The following PKP1 variants were observed in gnomAD, a reference collection of about 807,000 sequenced individuals.
The protein encoded by PKP1 is plakophilin 1.
PKP1 carries 27 observed loss-of-function variants against 76.4 expected under a neutral mutation model. The observed-to-expected ratio is 0.35, with a 90% CI of 0.26 to 0.49. PKP1 has a LOEUF of 0.49. Among genes scored for constraint, PKP1 ranks in the 20% least tolerant of loss-of-function variants. PKP1 has a pLI of 0.99. For missense variants in PKP1, 964 were observed against 955.2 expected (o/e 1.01, Z -0.12); for synonymous variants, 404 against 384.2 (o/e 1.05, Z -0.60).
intron 9 of PKP1, among the ~76,000 whole-genome samples, chr1:201,323,718 G>A (rs1433296368): frequency 1.3e-5 from 2 of 152,156 alleles, no homozygotes; most frequent in African/African-American, 2.4e-5. Context: ...GCGGCCAACT[G>A]TTCTTCAGCT....
intron 1 of PKP1, among the ~76,000 whole-genome samples, chr1:201,288,972 C>T (rs1194636166): frequency 1.3e-5 from 2 of 152,220 alleles, no homozygotes; most frequent in Non-Finnish European, 2.9e-5. Context: ...AGTACGTACA[C>T]CCAGGAAAAG....
chr1:201,293,846 G>A (rs1360281835), intron 1 of PKP1, 96 bp from the exon 2 acceptor site: 3 of 797,394 alleles, frequency 3.8e-6, no homozygotes, highest in Non-Finnish European at 6.5e-6. Context: ...TCCTCCATGG[G>A]CATAGTGGAC....
At chr1:201,322,327 G>T (rs1168591625) in intron 8 of PKP1, among the ~76,000 whole-genome samples, 194 bp downstream of exon 8, 1 of 152,204 alleles carries the variant, frequency 6.6e-6, no homozygotes, top group African/African-American at 2.4e-5. Flanking sequence ...CTTGCACAAG[G>T]GGGAATCTGT....
chr1:201,324,131 T>C (rs997641436), intron 9 of PKP1, among the ~76,000 whole-genome samples: 11 of 152,064 alleles, frequency 7.2e-5, no homozygotes, highest in Non-Finnish European at 1.5e-4. Flanking sequence ...GAGAGCAGCA[T>C]TGGACGCTTG....
At chr1:201,321,470 G>C (rs1656936936) in intron 7 of PKP1, among the ~76,000 whole-genome samples, 1 of 152,100 alleles carries the variant, frequency 6.6e-6, no homozygotes, top group Non-Finnish European at 1.5e-5. Flanking sequence ...TAGCACCGCT[G>C]ACATTGACAG....
At chr1:201,297,188 A>G (rs1656103299) in intron 2 of PKP1, among the ~76,000 whole-genome samples, 1 of 152,228 alleles carries the variant, frequency 6.6e-6, no homozygotes, top group Non-Finnish European at 1.5e-5. Flanking sequence ...AAACAAAGAT[A>G]GTGTGACACA....
chr1:201,304,518 G>A (rs1656321017), intron 2 of PKP1, among the ~76,000 whole-genome samples: 1 of 152,244 alleles, frequency 6.6e-6, no homozygotes, highest in African/African-American at 2.4e-5. Context: ...TCCAGCCCAG[G>A]TCTTTGGGCA....
intron 2 of PKP1, among the ~76,000 whole-genome samples, chr1:201,295,234 A>G (rs939089722): frequency 2.0e-5 from 3 of 151,792 alleles, no homozygotes; most frequent in Non-Finnish European, 4.4e-5. Flanking sequence ...TTCTTTTGTC[A>G]TTTGCTTGAT....
At chr1:201,309,560 G>A (rs1388890659) in intron 2 of PKP1, among the ~76,000 whole-genome samples, 2 of 152,168 alleles carry the variant, frequency 1.3e-5, no homozygotes, top group African/African-American at 4.8e-5. Flanking sequence ...CCAGACAAGA[G>A]GTTGTGTGTG....
intron 2 of PKP1, among the ~76,000 whole-genome samples, chr1:201,302,333 C>G (rs979723023): frequency 2.0e-5 from 3 of 151,932 alleles, no homozygotes; most frequent in Non-Finnish European, 4.4e-5. Flanking sequence ...GGACTTTGAG[C>G]GGGGTGTGAA....
At chr1:201,314,742 A>C (rs1656673308) in intron 3 of PKP1, among the ~76,000 whole-genome samples, 1 of 152,222 alleles carries the variant, frequency 6.6e-6, no homozygotes, top group Non-Finnish European at 1.5e-5. Flanking sequence ...TTTATTTGGC[A>C]AATGTTTGCC....
In PKP1 at chr1:201,285,977, G is replaced by A. The variant is rs1035511167; in HGVS notation, c.202+2073G>A. Among the ~76,000 whole-genome samples, 6 of 152,268 alleles carry A rather than the reference G, an allele frequency of 3.9e-5. No homozygotes were observed. In the East Asian group the frequency reaches 1.2e-3, roughly 29 times the overall value. On this transcript the variant is annotated intron_variant, in intron 1 of 13. Transcript: ENST00000367324. ...GACTCTGCGGAGGTTCCTAAAGGAG[G>A]CTGCAGAGGCATCCTTGCTGGAAGA...
chr1:201,292,588 C>A (rs1328117584), intron 1 of PKP1, among the ~76,000 whole-genome samples: 1 of 152,138 alleles, frequency 6.6e-6, no homozygotes, highest in Non-Finnish European at 1.5e-5. Context: ...CCCTCTACTC[C>A]CAGCTCAGAT....
chr1:201,317,351 T>C (rs1045246811), intron 4 of PKP1, among the ~76,000 whole-genome samples: 1 of 151,616 alleles, frequency 6.6e-6, no homozygotes, highest in Non-Finnish European at 1.5e-5. Context: ...AGCTAGGATA[T>C]GGGAGCTAGG....
Position 201,325,111 on chromosome 1 carries a change from A to G in PKP1, c.2005A>G (p.Asn669Asp). 3 of 1,613,814 alleles carry G rather than the reference A, an allele frequency of 1.9e-6. No homozygotes were observed. The South Asian group carries it at 3.3e-5, about 18-fold the overall frequency. The change falls in exon 11 of 14, where the codon AAC (asparagine) becomes GAC (aspartate). Residue 669 changes from asparagine (N) to aspartate (D), a missense_variant. Physicochemically the swap from Asn to Asp is conservative, Grantham distance 23. Transcript: ENST00000367324. Reference sequence around the variant, plus strand: ...CAGCAGCATGCTCAACAACATCATCAACCTGTGCCGAAGCAGGTGGGCGGG... The same window carrying G: ...CAGCAGCATGCTCAACAACATCATCGACCTGTGCCGAAGCAGGTGGGCGGG... ...FSSSMLNNII[N>D]LCRSSASPKA...
intron 5 of PKP1, 109 bp downstream of exon 5, chr1:201,317,888 CTG>C (rs1250185320): frequency 9.1e-7 from 1 of 1,096,184 alleles, no homozygotes; most frequent in East Asian, 2.6e-5. Context: ...CAAGACACAG[CTG>C]TGCAGATTTG....
rs557935140 is a variant in PKP1, at chr1:201,311,209, G to T, written c.307-1957G>T. On this transcript the variant is annotated intron_variant, in intron 2 of 13. Transcript: ENST00000367324. ...CCTTCCCCTGAGAGGAGAATGGAGG[G>T]TGTGGCCATTTGTAAAGGCTTTCAT... 2.5e-4 allele frequency among the ~76,000 whole-genome samples: 38 copies of T among 152,332 alleles called. 1 individual carries two copies. The highest frequency in any genetic ancestry group is 9.1e-4 in the African/African-American group (38 of 41,578).
chr1:201,325,939 C>G, intron 12 of PKP1, 101 bp downstream of exon 12: 1 of 833,418 alleles, frequency 1.2e-6, no homozygotes, highest in Non-Finnish European at 2.1e-6. Flanking sequence ...AGAAACGCCC[C>G]TGCCCTTCGG....
chr1:201,320,313 T>A lies in PKP1; in HGVS notation c.1279T>A (p.Ser427Thr). ...AGGCCGCCAGACCATGCGTAACTAC[T>A]CAGGGCTCATTGATTCCCTCATGGC... is the stretch of plus-strand genomic sequence containing the variant. ...DAGRQTMRNYSGLIDSLMAYV... is the reference protein window; with the variant it reads ...DAGRQTMRNYTGLIDSLMAYV... Residue 427 changes from serine (S) to threonine (T), a missense_variant, in exon 7 of 14, where the codon TCA (serine) becomes ACA (threonine). By Grantham distance (58) the Ser-to-Thr change is moderately conservative. Transcript: ENST00000367324. The A allele has an allele frequency of 6.2e-7, 1 of 1,614,122 alleles. No homozygotes were observed. Among genetic ancestry groups the A allele is most frequent in the Non-Finnish European group, 8.5e-7 (1 of 1,179,998 alleles).
Sources: gnomAD v4.1 joint callset for allele counts (sites outside exome capture counted in the v4.1 genomes callset) on GRCh38, gnomAD v4.1.1 for gene constraint, MANE v1.5 for transcripts, NCBI Gene and HGNC (gene_info 2026-07-23, HGNC 2026-07-21) for gene names.